The following GAS2L3 variants were observed in gnomAD, a reference collection of about 807,000 sequenced individuals.
The protein encoded by GAS2L3 is growth arrest specific 2 like 3.
In GAS2L3, 28 loss-of-function variants were observed where a neutral mutation model predicts 37.0. The ratio of observed to expected loss-of-function variants is 0.76; its 90% CI spans 0.56 to 1.04. The LOEUF is 1.04. Among genes scored for constraint, GAS2L3 ranks in the 50% least tolerant of loss-of-function variants. GAS2L3 has a pLI of 0.00. For missense variants in GAS2L3, 793 were observed against 817.6 expected, an observed-to-expected ratio of 0.97 and a Z score of 0.37; for synonymous variants, 290 against 296.6, an observed-to-expected ratio of 0.98 and a Z score of 0.23.
intron 1 of GAS2L3, among the ~76,000 whole-genome samples, chr12:100,591,156 T>C (rs1955841886): frequency 6.6e-6 from 1 of 152,192 alleles, no homozygotes; most frequent in Non-Finnish European, 1.5e-5. Flanking sequence ...TCTCAACTGG[T>C]ATATTAACCC....
At chr12:100,619,294 G>GGTAGAAGTT (rs1956225430) in intron 8 of GAS2L3, among the ~76,000 whole-genome samples, 1 of 151,844 alleles carries the variant, frequency 6.6e-6, no homozygotes, top group Admixed American at 6.6e-5. Flanking sequence ...CTGTTCATTA[G>GGTAGAAGTT]GTAGAAGTTA....
chr12:100,609,864 G>C (rs1438030593), intron 5 of GAS2L3, among the ~76,000 whole-genome samples: 1 of 152,142 alleles, frequency 6.6e-6, no homozygotes, highest in African/African-American at 2.4e-5. Context: ...CAAAATCACT[G>C]TGCTCTCCCC....
At chr12:100,586,771 A>T (rs1955786707) in intron 1 of GAS2L3, among the ~76,000 whole-genome samples, 1 of 152,214 alleles carries the variant, frequency 6.6e-6, no homozygotes, top group Non-Finnish European at 1.5e-5. Flanking sequence ...AATACAAAAG[A>T]TAAATGAAAC....
chr12:100,598,242 A>G (rs982751214), intron 3 of GAS2L3, among the ~76,000 whole-genome samples: 2 of 152,120 alleles, frequency 1.3e-5, no homozygotes, highest in African/African-American at 4.8e-5. Flanking sequence ...CCAGCTCAGA[A>G]TTATGTGTTG....
At chr12:100,600,765 G>A (rs1251993198) in intron 4 of GAS2L3, among the ~76,000 whole-genome samples, 5 of 152,090 alleles carry the variant, frequency 3.3e-5, no homozygotes, top group African/African-American at 9.7e-5. Flanking sequence ...GGAAATTTGC[G>A]ATTTAACCGA....
intron 1 of GAS2L3, among the ~76,000 whole-genome samples, chr12:100,581,221 A>G (rs1005502055): frequency 4.6e-5 from 7 of 152,148 alleles, no homozygotes; most frequent in Non-Finnish European, 8.8e-5. Context: ...CTGATGTCTG[A>G]TAAGTATTGT....
chr12:100,605,962 G>A (rs975157697), intron 5 of GAS2L3, among the ~76,000 whole-genome samples: 5 of 151,638 alleles, frequency 3.3e-5, no homozygotes, highest in Non-Finnish European at 7.4e-5. Context: ...GGAGAATAAA[G>A]CAGCTGCTGA....
chr12:100,598,640 T>C (rs1955944476), intron 3 of GAS2L3, among the ~76,000 whole-genome samples: 1 of 152,204 alleles, frequency 6.6e-6, no homozygotes, highest in South Asian at 2.1e-4. Context: ...TATTCATTTA[T>C]ATCTGTGTTA....
intron 3 of GAS2L3, 89 bp from the exon 4 acceptor site, chr12:100,600,293 A>G: frequency 6.2e-6 from 5 of 812,964 alleles, no homozygotes; most frequent in Non-Finnish European, 9.8e-6. Context: ...TGTATGATTT[A>G]TGCTTCATCA....
intron 1 of GAS2L3, among the ~76,000 whole-genome samples, chr12:100,576,943 A>G (rs527497694): frequency 6.6e-6 from 1 of 152,336 alleles, no homozygotes; most frequent in South Asian, 2.1e-4. Context: ...TGACTCATAG[A>G]GACTTCCGCC....
chr12:100,622,358 AG>A lies in GAS2L3; in HGVS notation c.736del (p.Asp246IlefsTer6). On this transcript the variant is annotated frameshift_variant, in exon 9 of 10. Transcript: ENST00000547754. LOFTEE classifies it low-confidence loss of function (END_TRUNC). ...ATTTATCTGAAGGACGGTACCGACTAGGGGATAAAATACTCTTTATAAGAGT... is the reference window on the plus strand; with the variant it reads ...ATTTATCTGAAGGACGGTACCGACTAGGGATAAAATACTCTTTATAAGAGT... ...EYLSEGRYRL[G>X]DKILFIRMLH... 1 of 1,569,764 alleles carries A rather than the reference AG, an allele frequency of 6.4e-7. No individual in the cohort carries two copies. The highest frequency in any genetic ancestry group is 1.3e-5 in the African/African-American group (1 of 74,106).
At chr12:100,590,977 C>T (rs1955839618) in intron 1 of GAS2L3, among the ~76,000 whole-genome samples, 1 of 152,002 alleles carries the variant, frequency 6.6e-6, no homozygotes, top group African/African-American at 2.4e-5. Flanking sequence ...AAATATGGTG[C>T]AGTGTATACT....
intron 3 of GAS2L3, among the ~76,000 whole-genome samples, chr12:100,595,960 C>T (rs1326994957): frequency 2.0e-5 from 3 of 149,268 alleles, no homozygotes; most frequent in Non-Finnish European, 3.0e-5. Flanking sequence ...TCTCTTCTTT[C>T]CTTTCCTTTC....
intron 1 of GAS2L3, among the ~76,000 whole-genome samples, chr12:100,584,934 G>A (rs1486054586): frequency 2.2e-5 from 3 of 136,434 alleles, no homozygotes; most frequent in Non-Finnish European, 3.0e-5. Flanking sequence ...TGTTGCCTAG[G>A]CTGGAGTGCT....
In GAS2L3 at chr12:100,601,631, T is replaced by C; in HGVS notation, c.188-7T>C. The C allele has an allele frequency of 8.6e-7, 1 of 1,164,970 alleles. No homozygotes were observed. Among genetic ancestry groups the C allele is most frequent in the Non-Finnish European group, 1.3e-6 (1 of 772,814 alleles). The allele number at this position is 1,164,970 out of a possible 1,614,324, so 72.2% of individuals were successfully genotyped here. A position where few individuals can be genotyped will look rare whatever the true frequency, so the allele number is the denominator to read the frequency against. On this transcript the variant is annotated splice_polypyrimidine_tract_variant and splice_region_variant and intron_variant, in intron 4 of 9. Transcript: ENST00000547754. ...AGAAGATTCTTAACTTTGAAATATG[T>C]TTTTAGGTATTAAAGTTAAGGCAGA... is the stretch of plus-strand genomic sequence containing the variant.
At chr12:100,607,299 C>T (rs1240871339) in intron 5 of GAS2L3, among the ~76,000 whole-genome samples, 3 of 152,182 alleles carry the variant, frequency 2.0e-5, no homozygotes, top group African/African-American at 4.8e-5. Context: ...GCCAGACATA[C>T]TGGAGCTCCA....
Position 100,624,616 on chromosome 12 carries a change from C to G in GAS2L3, c.1811C>G (p.Ser604Cys), listed in dbSNP as rs1956309555. Residue 604 changes from serine (S) to cysteine (C), a missense_variant, in exon 10 of 10, where the codon TCC becomes TGC. Ser to Cys is a moderately radical substitution (Grantham distance 112, BLOSUM62 -1). Transcript: ENST00000547754. ...GCATTTCAGAAGACAGGACCCAGCT[C>G]CTTGAAGTCTCCTGGCCGTACCCCA... is the stretch of plus-strand genomic sequence containing the variant. ...KSAFQKTGPS[S>C]LKSPGRTPLS... 1 of 1,614,084 alleles carries G rather than the reference C, an allele frequency of 6.2e-7. No individual in the cohort carries two copies. The highest frequency in any genetic ancestry group is 8.5e-7 in the Non-Finnish European group (1 of 1,180,022).
chr12:100,610,534 A>T (rs7314337), intron 5 of GAS2L3, among the ~76,000 whole-genome samples: 1 of 149,682 alleles, frequency 6.7e-6, no homozygotes. Context: ...TTTTTTTGCA[A>T]TGATTGTCTA....
intron 1 of GAS2L3, among the ~76,000 whole-genome samples, chr12:100,580,490 T>C (rs545157676): frequency 8.1e-4 from 123 of 152,300 alleles, no homozygotes; most frequent in African/African-American, 2.8e-3. Flanking sequence ...TGTTTTAACA[T>C]TATATTTTGA....
Sources: gnomAD v4.1 joint callset for allele counts (sites outside exome capture counted in the v4.1 genomes callset) on GRCh38, gnomAD v4.1.1 for gene constraint, MANE v1.5 for transcripts, NCBI Gene and HGNC (gene_info 2026-07-23, HGNC 2026-07-21) for gene names.